AP4E1: variants seen among roughly 807,000 people sequenced by gnomAD.
AP4E1 encodes AP-4 complex subunit epsilon-1.
In AP4E1, 56 loss-of-function variants were observed where a neutral mutation model predicts 128.2. The ratio of observed to expected loss-of-function variants is 0.44; its 90% CI spans 0.35 to 0.55. The LOEUF (loss-of-function observed/expected upper bound fraction) is 0.55. Among genes scored for constraint, AP4E1 ranks in the 20% least tolerant of loss-of-function variants. AP4E1 has a pLI of 0.00. For missense variants in AP4E1, 1,324 were observed against 1,307.7 expected (o/e 1.01, Z -0.19); for synonymous variants, 484 against 473.1 (o/e 1.02, Z -0.30).
intron 6 of AP4E1, 117 bp downstream of exon 6, chr15:50,929,285 A>G: frequency 8.6e-7 from 1 of 1,160,084 alleles, no homozygotes; most frequent in South Asian, 1.4e-5. Context: ...TAATTTTATT[A>G]TTGACCTTTG....
chr15:50,939,690 CATCTGA>C (rs1156382470), intron 8 of AP4E1, among the ~76,000 whole-genome samples: 6 of 152,224 alleles, frequency 3.9e-5, no homozygotes, highest in Non-Finnish European at 8.8e-5. Flanking sequence ...ACTTTATGAG[CATCTGA>C]ATATAAACGT....
At chr15:50,915,342 T>A in intron 2 of AP4E1, 106 bp from the exon 3 acceptor site, 1 of 1,193,030 alleles carries the variant, frequency 8.4e-7, no homozygotes, top group Non-Finnish European at 1.2e-6. Context: ...ATGTTATTTC[T>A]TCAGCACCAG....
rs550305802 is a variant in AP4E1, at chr15:50,942,140, A to G, written c.1176+365A>G. 2.0e-5 allele frequency among the ~76,000 whole-genome samples: 3 copies of G among 152,186 alleles called. No homozygotes were observed. The South Asian group carries it at 6.2e-4, about 32-fold the overall frequency. On this transcript the variant is annotated intron_variant, in intron 10 of 20. Coordinates refer to ENST00000261842, the MANE Select transcript of AP4E1 (RefSeq NM_007347.5). ...CCATATTGGCCAGGCCGATCCTGAAATCCTGACCTCAAGTGATCTGCCTGC... is the reference window on the plus strand; with the variant it reads ...CCATATTGGCCAGGCCGATCCTGAAGTCCTGACCTCAAGTGATCTGCCTGC...
At chr15:50,945,717 G>A in intron 10 of AP4E1, 2 of 782,678 alleles carry the variant, frequency 2.6e-6, no homozygotes. Context: ...TTTGCCTGTG[G>A]AAAGCTAATG....
At chr15:50,932,661 A>G (rs2063850072) in intron 7 of AP4E1, among the ~76,000 whole-genome samples, 1 of 152,288 alleles carries the variant, frequency 6.6e-6, no homozygotes, top group South Asian at 2.1e-4. Flanking sequence ...TTACAAAGGG[A>G]CCATTCTCCA....
At chr15:50,938,679 T>G (rs1371395610) in intron 8 of AP4E1, among the ~76,000 whole-genome samples, 1 of 151,986 alleles carries the variant, frequency 6.6e-6, no homozygotes, top group East Asian at 1.9e-4. Context: ...TGGTGGACAG[T>G]CAGAACTTCC....
Position 50,915,500 on chromosome 15 carries a change from A to G in AP4E1, c.275A>G (p.Tyr92Cys), listed in dbSNP as rs773401224. 35 of 1,613,610 alleles carry G rather than the reference A, an allele frequency of 2.2e-5. No individual in the cohort carries two copies. In the South Asian group the frequency reaches 2.6e-4, roughly 12 times the overall value. The change falls in exon 3 of 21, where the codon TAT (tyrosine) becomes TGT (cysteine). Residue 92 changes from tyrosine to cysteine, a missense_variant. Tyr to Cys is a radical substitution (Grantham distance 194). Coordinates refer to ENST00000261842, the MANE Select transcript of AP4E1 (RefSeq NM_007347.5). Reference protein sequence around the residue: ...VRLIYCEMLGYDASFGYIHAI... With the variant: ...VRLIYCEMLGCDASFGYIHAI... ...CTTATATATTGTGAAATGCTTGGAT[A>G]TGATGCTTCCTTTGGCTATATTCAT...
At chr15:50,924,751 C>A (rs1046302299) in intron 4 of AP4E1, among the ~76,000 whole-genome samples, 1 of 152,108 alleles carries the variant, frequency 6.6e-6, no homozygotes, top group South Asian at 2.1e-4. Flanking sequence ...TTTAAACTTA[C>A]ATTCATATTA....
intron 15 of AP4E1, among the ~76,000 whole-genome samples, chr15:50,983,328 T>G (rs1417654362): frequency 6.6e-6 from 1 of 152,170 alleles, no homozygotes; most frequent in African/African-American, 2.4e-5. Flanking sequence ...CCAAGAGGAC[T>G]CCTTCCAGAA....
rs1195198153 is a variant in AP4E1 at position 51,004,220 on chromosome 15, G to A, written c.*1558G>A. 6.6e-6 allele frequency: 1 copy of A among 152,166 alleles called. No individual in the cohort carries two copies. The highest frequency in any genetic ancestry group is 1.5e-5 in the Non-Finnish European group (1 of 68,046). The allele number at this position is 152,166 out of a possible 1,614,324, so 9.4% of individuals were successfully genotyped here. The stretch of plus-strand genomic sequence containing the variant: ...ATGAGTGTGCTGACTTCAGGGGTGT[G>A]GTGGACACTGGTAGCTAGCCTTATC... On this transcript the variant is annotated 3_prime_UTR_variant, in exon 21 of 21. Transcript: ENST00000261842.
At chr15:50,948,986 A>G (rs117460755) in intron 11 of AP4E1, among the ~76,000 whole-genome samples, 4,342 of 152,090 alleles carry the variant, frequency 0.029, 69 homozygotes, top group Non-Finnish European at 0.038. Flanking sequence ...AAAAAAAAAA[A>G]AAGTTACTGT....
rs1196865886 is a variant in AP4E1 at position 50,958,623 on chromosome 15, A to G, written c.1680A>G (p.Lys560=). The part of the protein sequence containing the change: ...TKAWLIAAVT[K]LTSQAHSSNT... ...CCTGGTTAATTGCTGCTGTGACCAA[A>G]TTGACATCTCAGGCGCACTCTTCTA... Residue 560 remains lysine (K), a synonymous_variant, in exon 14 of 21, where the codon AAA becomes AAG. Coordinates refer to ENST00000261842, the MANE Select transcript of AP4E1 (RefSeq NM_007347.5). 1 of 1,614,044 alleles carries G rather than the reference A, an allele frequency of 6.2e-7. No homozygotes were observed. Among genetic ancestry groups the G allele is most frequent in the Non-Finnish European group, 8.5e-7 (1 of 1,180,016 alleles).
intron 3 of AP4E1, among the ~76,000 whole-genome samples, chr15:50,917,506 G>A (rs932828061): frequency 1.3e-5 from 2 of 151,992 alleles, no homozygotes; most frequent in African/African-American, 4.8e-5. Context: ...CCTTCTTAGA[G>A]GTATCTATTT....
intron 16 of AP4E1, among the ~76,000 whole-genome samples, chr15:50,989,903 G>A (rs538305239): frequency 6.6e-6 from 1 of 152,276 alleles, no homozygotes; most frequent in African/African-American, 2.4e-5. Flanking sequence ...GAGGACCTCA[G>A]CTCACACATT....
At chr15:50,908,571 C>A, upstream of AP4E1, 1 of 538,474 alleles carries the variant, frequency 1.9e-6, no homozygotes, top group Non-Finnish European at 3.0e-6. Context: ...CTCGAGCGAG[C>A]GGCCTTTTCC....
chr15:50,954,013 CATCCACAGGG>C (rs2064184908), intron 13 of AP4E1, among the ~76,000 whole-genome samples: 1 of 152,188 alleles, frequency 6.6e-6, no homozygotes, highest in Non-Finnish European at 1.5e-5. Context: ...CGGATTCAGG[CATCCACAGGG>C]AGTCCTAAAA....
At chr15:50,931,721 C>A (rs915839772) in intron 7 of AP4E1, among the ~76,000 whole-genome samples, 7 of 152,170 alleles carry the variant, frequency 4.6e-5, no homozygotes, top group South Asian at 2.1e-4. Flanking sequence ...AATCTCAAAT[C>A]GGCACATCAT....
chr15:50,927,353 C>T (rs2063781222), intron 5 of AP4E1, among the ~76,000 whole-genome samples: 1 of 152,136 alleles, frequency 6.6e-6, no homozygotes, highest in African/African-American at 2.4e-5. Context: ...TATAGGTAAG[C>T]CAGTAGATGT....
chr15:50,975,262 A>G (rs1488092348), intron 15 of AP4E1, among the ~76,000 whole-genome samples: 8 of 152,124 alleles, frequency 5.3e-5, no homozygotes, highest in Admixed American at 6.6e-5. Flanking sequence ...AAAATTAGCC[A>G]GGCGTGGTGG....
Sources: gnomAD v4.1 joint callset for allele counts (sites outside exome capture counted in the v4.1 genomes callset) on GRCh38, gnomAD v4.1.1 for gene constraint, MANE v1.5 for transcripts, NCBI Gene and HGNC (gene_info 2026-07-23, HGNC 2026-07-21) for gene names.